Variants in PRR5L observed in about 807,000 individuals in gnomAD.
PRR5L encodes the protein proline-rich protein 5-like.
PRR5L carries 21 observed loss-of-function variants against 36.4 expected under a neutral mutation model. That is an observed-to-expected ratio of 0.58 (90% CI 0.41 to 0.83). The LOEUF (loss-of-function observed/expected upper bound fraction) is 0.83. Ranked by LOEUF, PRR5L falls within the 40% of genes least tolerant of loss-of-function variation. PRR5L has a pLI of 0.00. For synonymous variants in PRR5L, 188 were observed against 197.0 expected (o/e 0.95, Z 0.38); for missense variants, 381 against 473.3 (o/e 0.80, Z 1.81).
chr11:36,339,838 G>T (rs536023173), intron 1 of PRR5L, among the ~76,000 whole-genome samples: 3 of 152,338 alleles, frequency 2.0e-5, no homozygotes, highest in Admixed American at 2.0e-4. Flanking sequence ...CACCCCATTA[G>T]GAAGCTTTCT....
rs531107504 is a variant in PRR5L at position 36,438,683 on chromosome 11, C to T, written c.444+1207C>T. Among the ~76,000 whole-genome samples the T allele has an allele frequency of 4.6e-5, 7 of 152,058 alleles. 1 individual carries two copies. The South Asian group carries it at 6.2e-4, about 14-fold the overall frequency. On this transcript the variant is annotated intron_variant, in intron 6 of 8. Coordinates refer to ENST00000530639, the MANE Select transcript of PRR5L (RefSeq NM_001160167.2). ...GCAAATAAAAATACAGGATGTTGGC[C>T]GGGCACAGCACTTTGGGAGGCTGAG...
chr11:36,378,694 C>T (rs1223772687), intron 1 of PRR5L, among the ~76,000 whole-genome samples: 1 of 152,050 alleles, frequency 6.6e-6, no homozygotes, highest in Non-Finnish European at 1.5e-5. Context: ...AAATATGTGC[C>T]ACTTGTTTTA....
intron 1 of PRR5L, among the ~76,000 whole-genome samples, chr11:36,367,875 G>A (rs1206277879): frequency 1.3e-5 from 2 of 151,742 alleles, no homozygotes; most frequent in Non-Finnish European, 2.9e-5. Context: ...ATATAATAAG[G>A]GAATCTAATC....
Position 36,332,778 on chromosome 11 carries a change from C to T in PRR5L, c.-126+36340C>T, listed in dbSNP as rs114290534. Among the ~76,000 whole-genome samples, 452 of 152,282 alleles carry T rather than the reference C, an allele frequency of 3.0e-3. 4 individuals carry two copies. Among genetic ancestry groups the T allele is most frequent in the African/African-American group, 0.01 (434 of 41,562 alleles). On this transcript the variant is annotated intron_variant, in intron 1 of 8. Coordinates refer to ENST00000530639, the MANE Select transcript of PRR5L (RefSeq NM_001160167.2). ...CTCCTCCTGCTGTTGCTCCCTCTCT[C>T]GCCATGTGATATGCCTGCTCCCCTT...
chr11:36,419,161 T>TGG, intron 3 of PRR5L, 94 bp from the exon 4 acceptor site: 1 of 1,142,504 alleles, frequency 8.8e-7, no homozygotes, highest in Non-Finnish European at 1.3e-6. Context: ...ATCTCAGACC[T>TGG]GGCCCCACCC....
intron 1 of PRR5L, among the ~76,000 whole-genome samples, chr11:36,356,449 T>A (rs1182259967): frequency 6.6e-6 from 1 of 152,178 alleles, no homozygotes; most frequent in African/African-American, 2.4e-5. Flanking sequence ...CCTCCAGGGT[T>A]TACAGGCATA....
chr11:36,306,167 T>A (rs1409923036), intron 1 of PRR5L, among the ~76,000 whole-genome samples: 1 of 152,190 alleles, frequency 6.6e-6, no homozygotes, highest in Non-Finnish European at 1.5e-5. Context: ...GATACATAGG[T>A]ATACATGTGC....
chr11:36,455,396 C>T (rs1031396769), intron 8 of PRR5L: 3 of 153,160 alleles, frequency 2.0e-5, no homozygotes, highest in Non-Finnish European at 4.4e-5. Context: ...CTTGCTGGCT[C>T]CGGTGCAGGG....
intron 1 of PRR5L, among the ~76,000 whole-genome samples, chr11:36,357,572 C>T (rs1240316630): frequency 6.6e-6 from 1 of 152,138 alleles, no homozygotes; most frequent in Non-Finnish European, 1.5e-5. Context: ...TTTTCAAAAT[C>T]CTAGGGCCCT....
At chr11:36,432,044 A>G (rs1858508151) in intron 5 of PRR5L, 134 bp downstream of exon 5, 5 of 653,930 alleles carry the variant, frequency 7.6e-6, no homozygotes, top group East Asian at 2.6e-5. Context: ...CTCCCTACCT[A>G]GGCAGCAGCA....
chr11:36,370,738 G>T (rs1217033913), intron 1 of PRR5L, among the ~76,000 whole-genome samples: 1 of 152,034 alleles, frequency 6.6e-6, no homozygotes, highest in Non-Finnish European at 1.5e-5. Flanking sequence ...AAAATTAGCT[G>T]GGTGTGGTGG....
chr11:36,371,254 A>T (rs1857194679), intron 1 of PRR5L, among the ~76,000 whole-genome samples: 1 of 152,210 alleles, frequency 6.6e-6, no homozygotes, highest in Admixed American at 6.5e-5. Context: ...AAGGAGGGCA[A>T]ACTTTTATCA....
rs1034619466 is a variant in PRR5L, at chr11:36,462,977, T to G, written c.*241T>G. ...GACCAGTTGCCTAATGGTCACTTTC[T>G]GACTCCAGCCTTGCCAGCCTGACTC... is the stretch of plus-strand genomic sequence containing the variant. On this transcript the variant is annotated 3_prime_UTR_variant, in exon 9 of 9. Transcript: ENST00000530639. 4 of 416,450 alleles carry G rather than the reference T, an allele frequency of 9.6e-6. No homozygotes were observed. Among genetic ancestry groups the G allele is most frequent in the Non-Finnish European group, 1.7e-5 (4 of 236,432 alleles). The allele number at this position is 416,450 out of a possible 1,614,324, so 25.8% of individuals were successfully genotyped here. A position where few individuals can be genotyped will look rare whatever the true frequency, so the allele number is the denominator to read the frequency against.
intron 1 of PRR5L, among the ~76,000 whole-genome samples, chr11:36,342,425 A>G (rs532396812): frequency 2.6e-5 from 4 of 152,102 alleles, no homozygotes; most frequent in Non-Finnish European, 5.9e-5. Context: ...GGAGAAAGAA[A>G]TGACTTCGAG....
chr11:36,376,374 AGGC>A lies in PRR5L; in HGVS notation c.-125-24619_-125-24617del, dbSNP rs1372844998. ...GAGGAGGAGGAGGAGGAGGAGGAGGAGGCGGCCGTAAGATGAGAGAGGAGGGAA... is the reference window on the plus strand; with the variant it reads ...GAGGAGGAGGAGGAGGAGGAGGAGGAGGCCGTAAGATGAGAGAGGAGGGAA... On this transcript the variant is annotated intron_variant, in intron 1 of 8. Coordinates refer to ENST00000530639, the MANE Select transcript of PRR5L (RefSeq NM_001160167.2). 1.7e-4 allele frequency: 173 copies of A among 1,036,786 alleles called. No homozygotes were observed. The African/African-American group carries it at 3.1e-3, about 19-fold the overall frequency. 64.2% of individuals were successfully genotyped at this position (1,036,786 alleles called of 1,614,324 possible). A position where few individuals can be genotyped will look rare whatever the true frequency, so the allele number is the denominator to read the frequency against.
At chr11:36,460,512 G>A (rs1859158176) in intron 8 of PRR5L, among the ~76,000 whole-genome samples, 1 of 152,104 alleles carries the variant, frequency 6.6e-6, no homozygotes, top group South Asian at 2.1e-4. Context: ...GGTGTCTCTA[G>A]CGGTCATCCT....
chr11:36,304,675 C>G (rs1856411412), intron 1 of PRR5L, among the ~76,000 whole-genome samples: 1 of 152,198 alleles, frequency 6.6e-6, no homozygotes, highest in Non-Finnish European at 1.5e-5. Flanking sequence ...TCTGCATGTA[C>G]TGTTGTACAC....
chr11:36,437,118 T>C (rs777034845), intron 5 of PRR5L, among the ~76,000 whole-genome samples: 1 of 152,180 alleles, frequency 6.6e-6, no homozygotes, highest in Non-Finnish European at 1.5e-5. Context: ...AGATTACTTA[T>C]TAGTAAGACC....
intron 1 of PRR5L, chr11:36,297,473 GA>G (rs1856324799): frequency 1.3e-5 from 2 of 152,176 alleles, no homozygotes; most frequent in South Asian, 4.1e-4. Flanking sequence ...TTTGGCCAGA[GA>G]CCAGGCTAAG....
Sources: allele counts gnomAD v4.1 joint callset (sites outside exome capture counted in the v4.1 genomes callset), GRCh38; gene constraint gnomAD v4.1.1; transcripts MANE v1.5; gene names NCBI Gene and HGNC (gene_info 2026-07-23, HGNC 2026-07-21).